Variants in LRRC4C observed in about 807,000 individuals in gnomAD.
LRRC4C encodes leucine rich repeat containing 4C.
A neutral mutation model predicts 33.6 loss-of-function variants in LRRC4C; 5 were observed. The ratio of observed to expected loss-of-function variants is 0.15; its 90% CI spans 0.08 to 0.31. LRRC4C has a LOEUF of 0.31. Ranked by LOEUF, LRRC4C falls within the 10% of genes least tolerant of loss-of-function variation. The pLI is 1.00. For synonymous variants in LRRC4C, 329 were observed against 302.0 expected (o/e 1.09, Z -0.93); for missense variants, 560 against 796.7 (o/e 0.70, Z 3.58).
chr11:41,338,137 C>G (rs758501410), intron 1 of LRRC4C, among the ~76,000 whole-genome samples: 2 of 152,140 alleles, frequency 1.3e-5, no homozygotes, highest in Non-Finnish European at 2.9e-5. Flanking sequence ...GTGTTGATTC[C>G]TCTAGGAGCT....
At chr11:40,659,150 C>A (rs558117005) in intron 2 of LRRC4C, among the ~76,000 whole-genome samples, 2 of 152,238 alleles carry the variant, frequency 1.3e-5, no homozygotes, top group Admixed American at 1.3e-4. Context: ...CTGGCACCCA[C>A]TCCAGTGCAG....
intron 1 of LRRC4C, among the ~76,000 whole-genome samples, chr11:40,959,375 C>T (rs1592192076): frequency 6.6e-6 from 1 of 151,612 alleles, no homozygotes; most frequent in Non-Finnish European, 1.5e-5. Context: ...CTGGAACAAT[C>T]CCTTTCCCCA....
At chr11:40,895,452 GC>G (rs1344935848) in intron 2 of LRRC4C, among the ~76,000 whole-genome samples, 1 of 151,878 alleles carries the variant, frequency 6.6e-6, no homozygotes, top group Non-Finnish European at 1.5e-5. Context: ...ACATCCTATC[GC>G]TTTTGCAGAT....
intron 2 of LRRC4C, among the ~76,000 whole-genome samples, chr11:40,834,551 G>A (rs186145856): frequency 2.7e-4 from 41 of 151,716 alleles, no homozygotes; most frequent in Admixed American, 2.2e-3. Flanking sequence ...AAAAAAGAAA[G>A]GGGAGTTATA....
intron 1 of LRRC4C, among the ~76,000 whole-genome samples, chr11:41,348,776 T>A (rs1296244815): frequency 6.6e-6 from 1 of 151,634 alleles, no homozygotes; most frequent in Admixed American, 6.6e-5. Flanking sequence ...GGGGAAGGGG[T>A]CAACGAAATA....
chr11:40,869,845 T>C (rs1344315956), intron 2 of LRRC4C, among the ~76,000 whole-genome samples: 1 of 152,174 alleles, frequency 6.6e-6, no homozygotes, highest in Non-Finnish European at 1.5e-5. Flanking sequence ...CTTTCCTTTG[T>C]GTTATTCCTG....
At chr11:41,115,711 C>T (rs1487082) in intron 1 of LRRC4C, among the ~76,000 whole-genome samples, 31,753 of 151,882 alleles carry the variant, frequency 0.21, 3,887 homozygotes, top group East Asian at 0.32. Flanking sequence ...TCCACTTTGA[C>T]GCTCATTTCT....
chr11:40,573,960 G>GT (rs1378318916), intron 3 of LRRC4C, among the ~76,000 whole-genome samples: 3 of 152,090 alleles, frequency 2.0e-5, no homozygotes, highest in East Asian at 3.9e-4. Flanking sequence ...TATTTGTTAG[G>GT]TTTTTTAAAA....
chr11:41,254,988 A>G (rs1948753888), intron 1 of LRRC4C, among the ~76,000 whole-genome samples: 1 of 152,066 alleles, frequency 6.6e-6, no homozygotes, highest in Non-Finnish European at 1.5e-5. Flanking sequence ...TGTTAAAACG[A>G]TTAAACTTAC....
chr11:41,332,458 A>C (rs763988883), intron 1 of LRRC4C, among the ~76,000 whole-genome samples: 1 of 152,042 alleles, frequency 6.6e-6, no homozygotes, highest in Non-Finnish European at 1.5e-5. Context: ...TGCCACTCCA[A>C]CTCTCTGAAG....
In LRRC4C at chr11:40,911,260, C is replaced by T. The variant is rs566610187; in HGVS notation, c.-407+22375G>A. On this transcript the variant is annotated intron_variant, in intron 2 of 6. Coordinates refer to ENST00000528697, the MANE Select transcript of LRRC4C (RefSeq NM_001258419.2). ...TACAGACTGCGTCCTCAAGAGGGTCCCTGAACCCCGAGTAGCCCAACTGGG... is the reference window on the plus strand; with the variant it reads ...TACAGACTGCGTCCTCAAGAGGGTCTCTGAACCCCGAGTAGCCCAACTGGG... Among the ~76,000 whole-genome samples the T allele has an allele frequency of 1.6e-4, 25 of 152,298 alleles. No individual in the cohort carries two copies. In the South Asian group the frequency reaches 5.2e-3, roughly 32 times the overall value.
chr11:40,961,374 C>T (rs969873123), intron 1 of LRRC4C, among the ~76,000 whole-genome samples: 1 of 151,666 alleles, frequency 6.6e-6, no homozygotes, highest in Non-Finnish European at 1.5e-5. Flanking sequence ...GGGCTACAAA[C>T]ACTTGCCTCC....
chr11:40,329,870 T>C (rs774826383), intron 3 of LRRC4C, among the ~76,000 whole-genome samples: 14 of 151,484 alleles, frequency 9.2e-5, no homozygotes, highest in South Asian at 2.1e-4. Flanking sequence ...GCCTCTCGAG[T>C]AGCTGCGACT....
chr11:41,100,146 A>G (rs1941077221), intron 1 of LRRC4C, among the ~76,000 whole-genome samples: 1 of 152,220 alleles, frequency 6.6e-6, no homozygotes, highest in South Asian at 2.1e-4. Context: ...CCACCTAGGA[A>G]TACAGTTAAC....
rs542571781 is a variant in LRRC4C at position 41,156,262 on chromosome 11, G to A, written c.-495-222539C>T. Among the ~76,000 whole-genome samples, 6 of 151,964 alleles carry A rather than the reference G, an allele frequency of 3.9e-5. No individual in the cohort carries two copies. The South Asian group carries it at 1.0e-3, about 26-fold the overall frequency. On this transcript the variant is annotated intron_variant, in intron 1 of 6. Coordinates refer to ENST00000528697, the MANE Select transcript of LRRC4C (RefSeq NM_001258419.2). ...ACACAGTTACCCAAGGCAAACCCACGATATTGACCACCGGTGGCCCATACT... is the reference window on the plus strand; with the variant it reads ...ACACAGTTACCCAAGGCAAACCCACAATATTGACCACCGGTGGCCCATACT...
rs184896194 is a variant in LRRC4C, at chr11:40,890,519, T to C, written c.-407+43116A>G. On this transcript the variant is annotated intron_variant, in intron 2 of 6. Transcript: ENST00000528697. ...CTGTTGCATTTAGGATTGTTTCAAA[T>C]ATATAAAATTTTGGAGACGTATTTA... Among the ~76,000 whole-genome samples the C allele has an allele frequency of 1.9e-4, 29 of 152,312 alleles. No individual in the cohort carries two copies. The East Asian group carries it at 5.6e-3, about 29-fold the overall frequency.
In LRRC4C at chr11:40,209,574, G is replaced by T. The variant is rs371540735; in HGVS notation, c.-96+31945C>A. ...ATACATATTTTTGAGATGGAGTCTCGCTCTGTCACCCAGGCTGGAATACAC... is the reference window on the plus strand; with the variant it reads ...ATACATATTTTTGAGATGGAGTCTCTCTCTGTCACCCAGGCTGGAATACAC... On this transcript the variant is annotated intron_variant, in intron 5 of 6. Transcript: ENST00000528697. Among the ~76,000 whole-genome samples, 21 of 152,044 alleles carry T rather than the reference G, an allele frequency of 1.4e-4. No homozygotes were observed. The South Asian group carries it at 4.4e-3, about 32-fold the overall frequency.
chr11:40,644,385 G>A (rs937168658), intron 3 of LRRC4C, among the ~76,000 whole-genome samples: 7 of 152,144 alleles, frequency 4.6e-5, no homozygotes, highest in African/African-American at 1.7e-4. Context: ...AACTAATTAT[G>A]CAACTACCAT....
chr11:40,281,867 A>AC (rs1943498054), intron 4 of LRRC4C, among the ~76,000 whole-genome samples: 1 of 152,066 alleles, frequency 6.6e-6, no homozygotes, highest in Non-Finnish European at 1.5e-5. Flanking sequence ...AAATCTGTGG[A>AC]CCCCCACTCC....
Sources: allele counts gnomAD v4.1 joint callset (sites outside exome capture counted in the v4.1 genomes callset), GRCh38; gene constraint gnomAD v4.1.1; transcripts MANE v1.5; gene names NCBI Gene and HGNC (gene_info 2026-07-23, HGNC 2026-07-21).